The following RALYL variants were observed in gnomAD, a reference collection of about 807,000 sequenced individuals.
RALYL encodes the protein RNA-binding Raly-like protein.
In RALYL, 29 loss-of-function variants were observed where a neutral mutation model predicts 35.1. The ratio of observed to expected loss-of-function variants is 0.83; its 90% CI spans 0.61 to 1.13. The LOEUF (loss-of-function observed/expected upper bound fraction) is 1.13, where lower values mean the gene tolerates loss of function less well. RALYL is among the 50% of genes most tolerant of loss of function. The pLI is 0.00. For missense variants in RALYL, 359 were observed against 360.4 expected (o/e 1.00, Z 0.03); for synonymous variants, 120 against 127.6 (o/e 0.94, Z 0.40).
At chr8:84,440,337 A>T (rs1466783269) in intron 1 of RALYL, among the ~76,000 whole-genome samples, 1 of 152,092 alleles carries the variant, frequency 6.6e-6, no homozygotes, top group African/African-American at 2.4e-5. Flanking sequence ...TGAGAGACAA[A>T]ATGGTGAAGT....
intron 1 of RALYL, among the ~76,000 whole-genome samples, chr8:84,450,884 A>G (rs1037786704): frequency 6.6e-6 from 1 of 152,038 alleles, no homozygotes; most frequent in Non-Finnish European, 1.5e-5. Context: ...ACATTAAAAA[A>G]TTGATAATAA....
chr8:84,276,146 T>G (rs1262018565), intron 1 of RALYL, among the ~76,000 whole-genome samples: 1 of 152,204 alleles, frequency 6.6e-6, no homozygotes, highest in Non-Finnish European at 1.5e-5. Context: ...GTTTTATTTT[T>G]TGTTTGTTTC....
At chr8:84,659,232 G>T (rs948504734) in intron 2 of RALYL, among the ~76,000 whole-genome samples, 3 of 151,482 alleles carry the variant, frequency 2.0e-5, no homozygotes, top group Admixed American at 6.6e-5. Context: ...TTTAAAAAGG[G>T]GTGTGGGGAA....
intron 2 of RALYL, among the ~76,000 whole-genome samples, chr8:84,577,624 T>A (rs1809778200): frequency 6.6e-6 from 1 of 152,220 alleles, no homozygotes; most frequent in Non-Finnish European, 1.5e-5. Flanking sequence ...TTAAACAGTT[T>A]TCAAGATGTT....
chr8:84,235,745 ATTTCTTTTTCTT>A (rs1408699844), intron 1 of RALYL, among the ~76,000 whole-genome samples: 68 of 146,992 alleles, frequency 4.6e-4, no homozygotes, highest in Non-Finnish European at 7.9e-4. Flanking sequence ...TATCCAATGC[ATTTCTTTTTCTT>A]TTTCTTTTTC....
chr8:84,507,564 T>C (rs2057279712), intron 1 of RALYL, among the ~76,000 whole-genome samples: 1 of 152,134 alleles, frequency 6.6e-6, no homozygotes, highest in Non-Finnish European at 1.5e-5. Flanking sequence ...CCATCAAGTA[T>C]AAATTGTCAA....
chr8:84,815,618 TA>T (rs1456377706), intron 4 of RALYL, among the ~76,000 whole-genome samples: 4 of 151,992 alleles, frequency 2.6e-5, no homozygotes, highest in African/African-American at 7.2e-5. Flanking sequence ...TGAAACATTA[TA>T]TTTTTTTAGA....
chr8:84,859,097 C>G (rs547445230), intron 5 of RALYL, among the ~76,000 whole-genome samples: 1 of 152,096 alleles, frequency 6.6e-6, no homozygotes, highest in African/African-American at 2.4e-5. Flanking sequence ...GGGAGCCAAC[C>G]GAGCATAAGG....
At chr8:84,492,790 A>G (rs981451667) in intron 1 of RALYL, among the ~76,000 whole-genome samples, 1 of 152,110 alleles carries the variant, frequency 6.6e-6, no homozygotes, top group Non-Finnish European at 1.5e-5. Flanking sequence ...TTCTTGCATT[A>G]TATTTGTCAT....
At chr8:84,415,950 T>G (rs924015820) in intron 1 of RALYL, among the ~76,000 whole-genome samples, 1 of 152,204 alleles carries the variant, frequency 6.6e-6, no homozygotes, top group African/African-American at 2.4e-5. Flanking sequence ...AAGTCGCAGA[T>G]TCATGTCTGA....
chr8:84,266,913 T>C (rs1833435232), intron 1 of RALYL, among the ~76,000 whole-genome samples: 1 of 138,744 alleles, frequency 7.2e-6, no homozygotes, highest in Non-Finnish European at 1.5e-5. Flanking sequence ...TGAGCCGAGA[T>C]CGCGCCACTG....
At chr8:84,197,050 A>G (rs547739147) in intron 1 of RALYL, among the ~76,000 whole-genome samples, 1 of 152,198 alleles carries the variant, frequency 6.6e-6, no homozygotes, top group Non-Finnish European at 1.5e-5. Context: ...CTAACACCTA[A>G]TTTAATGAGA....
chr8:84,253,639 C>A (rs1378556387), intron 1 of RALYL, among the ~76,000 whole-genome samples: 2 of 151,936 alleles, frequency 1.3e-5, no homozygotes, highest in African/African-American at 4.8e-5. Context: ...TTGTATCAGA[C>A]CTTAAAATAG....
intron 2 of RALYL, among the ~76,000 whole-genome samples, chr8:84,740,042 G>C (rs1236911367): frequency 6.6e-6 from 1 of 151,790 alleles, no homozygotes; most frequent in Non-Finnish European, 1.5e-5. Context: ...AAATAGAATA[G>C]AAGAATAAAG....
At chr8:84,486,119 T>A (rs2054590392) in intron 1 of RALYL, among the ~76,000 whole-genome samples, 1 of 150,566 alleles carries the variant, frequency 6.6e-6, no homozygotes, top group African/African-American at 2.4e-5. Flanking sequence ...AGCAGCAGTG[T>A]ACCTAGTGTG....
intron 2 of RALYL, among the ~76,000 whole-genome samples, chr8:84,550,760 T>C (rs1396849373): frequency 2.0e-5 from 3 of 152,036 alleles, no homozygotes; most frequent in South Asian, 2.1e-4. Context: ...TTTTCTGCAA[T>C]GTTGAAAGTA....
At chr8:84,913,519 TAATG>T (rs1028923432) in intron 8 of RALYL, among the ~76,000 whole-genome samples, 5 of 152,052 alleles carry the variant, frequency 3.3e-5, no homozygotes, top group African/African-American at 7.2e-5. Context: ...TATTCTCATA[TAATG>T]AATAAAGGAA....
intron 2 of RALYL, among the ~76,000 whole-genome samples, chr8:84,684,957 C>T (rs1409854307): frequency 6.6e-6 from 1 of 152,172 alleles, no homozygotes; most frequent in East Asian, 1.9e-4. Context: ...GGCCTCCTCT[C>T]AGCTGGTAGG....
intron 4 of RALYL, among the ~76,000 whole-genome samples, chr8:84,839,325 C>G (rs553473140): frequency 6.6e-6 from 1 of 152,226 alleles, no homozygotes; most frequent in African/African-American, 2.4e-5. Flanking sequence ...GATTATATCC[C>G]GCACCTGGCT....
Sources: gnomAD v4.1 joint callset for allele counts (sites outside exome capture counted in the v4.1 genomes callset) on GRCh38, gnomAD v4.1.1 for gene constraint, MANE v1.5 for transcripts, NCBI Gene and HGNC (gene_info 2026-07-23, HGNC 2026-07-21) for gene names.